Variants in ITGB4 observed in about 807,000 individuals in gnomAD.
ITGB4 encodes the protein integrin beta-4.
ITGB4 carries 159 observed loss-of-function variants against 207.6 expected under a neutral mutation model. The observed-to-expected ratio is 0.77, with a 90% CI of 0.67 to 0.87. The LOEUF (loss-of-function observed/expected upper bound fraction) is 0.87, where lower values mean the gene tolerates loss of function less well. Among genes scored for constraint, ITGB4 ranks in the 40% least tolerant of loss-of-function variants. The probability of loss-of-function intolerance (pLI) is 0.00; values close to 1 mark genes in which losing one functional copy is unlikely to be tolerated. For missense variants in ITGB4, 2,278 were observed against 2,546.8 expected, an observed-to-expected ratio of 0.89 and a Z score of 2.27; for synonymous variants, 1,020 against 1,062.7, an observed-to-expected ratio of 0.96 and a Z score of 0.78.
chr17:75,750,071 G>A lies in ITGB4; in HGVS notation c.3317-40G>A, dbSNP rs1350219755. 1.9e-6 allele frequency: 3 copies of A among 1,613,076 alleles called. No individual in the cohort carries two copies. Among genetic ancestry groups the A allele is most frequent in the Non-Finnish European group, 2.5e-6 (3 of 1,179,834 alleles). ...CTCTGGCGCCCCCTGGTGGTGAAGG[G>A]GGATCTGAGTGGTTGCCCGGCCCCA... On this transcript the variant is annotated intron_variant, in intron 27 of 39. Coordinates refer to ENST00000200181, the MANE Select transcript of ITGB4 (RefSeq NM_000213.5). The surrounding 1 kb of genome is among the most constrained non-coding windows in gnomAD (Gnocchi z 5.5).
intron 1 of ITGB4, among the ~76,000 whole-genome samples, chr17:75,723,237 T>C (rs999818981): frequency 1.3e-5 from 2 of 152,138 alleles, no homozygotes; most frequent in Non-Finnish European, 1.5e-5. Context: ...ACGGGCAGAA[T>C]GAAATCATCT....
Position 75,752,469 on chromosome 17 carries a change from A to G in ITGB4, c.4000A>G (p.Ile1334Val). ...MSIPIIPDIP[I>V]VDAQSGEDYD... ...AGTCCCCATCATCCCTGACATCCCT[A>G]TCGTGGACGCCCAGAGCGGGGAGGA... Residue 1334 changes from isoleucine to valine, a missense_variant, in exon 32 of 40, where the codon ATC becomes GTC. Physicochemically the swap from Ile to Val is conservative, Grantham distance 29 (BLOSUM62 3). Transcript: ENST00000200181. 1 of 1,613,512 alleles carries G rather than the reference A, an allele frequency of 6.2e-7. No homozygotes were observed. Among genetic ancestry groups the G allele is most frequent in the Non-Finnish European group, 8.5e-7 (1 of 1,179,978 alleles).
In ITGB4 at chr17:75,739,806, C is replaced by CTGG. The variant is rs2061064275; in HGVS notation, c.2255-73_2255-71dup. ...CCTGGAACGGCAGAGGCTGGAGGCTCTGGGGTCCCACCTGAAGAGGTTGGG... is the reference window on the plus strand; with the variant it reads ...CCTGGAACGGCAGAGGCTGGAGGCTCTGGTGGGGTCCCACCTGAAGAGGTTGGG... On this transcript the variant is annotated intron_variant, in intron 19 of 39. Coordinates refer to ENST00000200181, the MANE Select transcript of ITGB4 (RefSeq NM_000213.5). The surrounding 1 kb of genome is among the most constrained non-coding windows in gnomAD (Gnocchi z 5.4). The CTGG allele has an allele frequency of 7.5e-6, 12 of 1,609,856 alleles. No homozygotes were observed. Among genetic ancestry groups the CTGG allele is most frequent in the Non-Finnish European group, 9.3e-6 (11 of 1,176,630 alleles).
rs2060881799 is a variant in ITGB4, at chr17:75,732,353, G to T, written c.1454+114G>T. The T allele has an allele frequency of 2.8e-6, 3 of 1,053,322 alleles. No homozygotes were observed. Among genetic ancestry groups the T allele is most frequent in the Admixed American group, 1.8e-5 (1 of 54,548 alleles). 65.2% of individuals were successfully genotyped at this position (1,053,322 alleles called of 1,614,324 possible). The stretch of plus-strand genomic sequence containing the variant: ...CCTTGTACACCTGGCTGGGGGTGGG[G>T]CGGCAATCAAAGAAACGGCTAAGGG... On this transcript the variant is annotated intron_variant, in intron 12 of 39. Coordinates refer to ENST00000200181, the MANE Select transcript of ITGB4 (RefSeq NM_000213.5). This position sits in a 1 kb window ranked among gnomAD's most constrained non-coding sequence, Gnocchi z 5.3.
chr17:75,725,771 A>T (rs1052199545), intron 2 of ITGB4, among the ~76,000 whole-genome samples: 2 of 152,148 alleles, frequency 1.3e-5, no homozygotes, highest in East Asian at 1.9e-4. Context: ...GTTACTGAGG[A>T]CCCACTGTGT....
Position 75,737,324 on chromosome 17 carries a change from G to A in ITGB4, c.1993G>A (p.Glu665Lys), listed in dbSNP as rs552877885. 2.8e-5 allele frequency: 44 copies of A among 1,591,038 alleles called. No homozygotes were observed. The highest frequency in any genetic ancestry group is 2.1e-4 in the African/African-American group (16 of 74,446). Residue 665 changes from glutamate (E) to lysine (K), a missense_variant and splice_region_variant, in exon 17 of 40, where the codon GAG (glutamate) becomes AAG (lysine). By Grantham distance (56) the Glu-to-Lys change is moderately conservative. Transcript: ENST00000200181. ...VKMVDELKRA[E>K]EVVVRCSFRD... ...CTGCTGACTGGCTGTGGGTACAGCC[G>A]AGGAGGTGGTGGTGCGCTGCTCCTT...
rs1371595327 is a variant in ITGB4, at chr17:75,756,926, G to C, written c.5054-17G>C. 1 of 1,612,322 alleles carries C rather than the reference G, an allele frequency of 6.2e-7. No homozygotes were observed. Among genetic ancestry groups the C allele is most frequent in the South Asian group, 1.1e-5 (1 of 91,068 alleles). The stretch of plus-strand genomic sequence containing the variant: ...AAAGAGGGGGCCGCAGACGCTGAAG[G>C]CATCTTCCCTGCTCAGGGCCAGCCA... On this transcript the variant is annotated splice_polypyrimidine_tract_variant and intron_variant, in intron 37 of 39. Transcript: ENST00000200181.
chr17:75,756,617 G>A lies in ITGB4; in HGVS notation c.4897G>A (p.Gly1633Ser). 6.2e-7 allele frequency: 1 copy of A among 1,612,776 alleles called. No homozygotes were observed. The highest frequency in any genetic ancestry group is 8.5e-7 in the Non-Finnish European group (1 of 1,179,912). ...GCAGAGCCCACTGTGTCCCCTGCCA[G>A]GTGAGTTGCCTCCCCCAGCCCCAGA... The part of the protein sequence containing the change: ...HPQSPLCPLP[G>S]SAFTLSTPSA... The change falls in exon 36 of 40, where the codon GGC (glycine) becomes AGC (serine). Residue 1633 changes from glycine (G) to serine (S), a missense_variant and splice_region_variant. Coordinates refer to ENST00000200181, the MANE Select transcript of ITGB4 (RefSeq NM_000213.5).
intron 33 of ITGB4, among the ~76,000 whole-genome samples, 167 bp downstream of exon 33, chr17:75,754,141 A>C (rs2143463089): frequency 6.6e-6 from 1 of 152,182 alleles, no homozygotes; most frequent in East Asian, 1.9e-4. Flanking sequence ...GTGCCAGGGG[A>C]CGCGTGAGGC....
At chr17:75,735,624 G>T (rs1178906184) in intron 13 of ITGB4, among the ~76,000 whole-genome samples, 2 of 151,056 alleles carry the variant, frequency 1.3e-5, no homozygotes, top group South Asian at 4.2e-4. Flanking sequence ...TGTTGGCCAG[G>T]ATGGTCTCAG....
chr17:75,755,598 G>A (rs2061478815), intron 34 of ITGB4, 103 bp from the exon 35 acceptor site: 25 of 1,461,076 alleles, frequency 1.7e-5, no homozygotes, highest in Non-Finnish European at 2.4e-5. Context: ...AGCGGTCAGT[G>A]TAGACATGCC....
chr17:75,728,900 C>T (rs866419957), intron 6 of ITGB4, among the ~76,000 whole-genome samples: 6 of 150,410 alleles, frequency 4.0e-5, no homozygotes, highest in South Asian at 2.1e-4. Context: ...AGGAGAATGG[C>T]GTGAACCCGG....
chr17:75,755,214 G>C (rs753029254), intron 34 of ITGB4: 2 of 1,602,086 alleles, frequency 1.2e-6, no homozygotes, highest in Non-Finnish European at 1.7e-6. Context: ...TGGGGCCCAG[G>C]TAGTACAGGG....
chr17:75,748,098 C>T (rs2061272914), intron 26 of ITGB4, among the ~76,000 whole-genome samples: 2 of 151,798 alleles, frequency 1.3e-5, no homozygotes, highest in Non-Finnish European at 2.9e-5. Flanking sequence ...GGGTGGCTCA[C>T]GCCTGTAATC....
At position 75,757,592 on chromosome 17, in the gene ITGB4, C is replaced by T. The variant is rs1051554; in HGVS notation, c.*37C>T. On this transcript the variant is annotated 3_prime_UTR_variant, in exon 40 of 40. Transcript: ENST00000200181. The stretch of plus-strand genomic sequence containing the variant: ...CCCACCCCCGCCACGTCCCACTAGG[C>T]GTCCTCCCGACTCCTCTCCCGGAGC... 3.1e-6 allele frequency: 5 copies of T among 1,612,560 alleles called. No homozygotes were observed. The highest frequency in any genetic ancestry group is 1.6e-4 in the Middle Eastern group (1 of 6,078).
rs1048623574 is a variant in ITGB4 at position 75,748,852 on chromosome 17, C to G, written c.3123C>G (p.Pro1041=). The change falls in exon 27 of 40, where the codon CCC becomes CCG. Residue 1041 remains proline, a synonymous_variant. Transcript: ENST00000200181. ...CCCTCCACTCCCAGGACTACATCCC[C>G]GTGGAGGGTGAGCTGCTGTTCCAGC... ...GTAQGNRDYI[P]VEGELLFQPG... 3.1e-6 allele frequency: 5 copies of G among 1,610,138 alleles called. No homozygotes were observed. Among genetic ancestry groups the G allele is most frequent in the Non-Finnish European group, 4.2e-6 (5 of 1,178,804 alleles).
chr17:75,752,673 G>C lies in ITGB4; in HGVS notation c.4108+96G>C, dbSNP rs2061396611. 4 of 1,487,822 alleles carry C rather than the reference G, an allele frequency of 2.7e-6. No individual in the cohort carries two copies. In the East Asian group the frequency reaches 9.1e-5, roughly 34 times the overall value. The allele number at this position is 1,487,822 out of a possible 1,614,324, so 92.2% of individuals were successfully genotyped here. The stretch of plus-strand genomic sequence containing the variant: ...GAGAGGGCAAAGGGGCCAGCAACTA[G>C]AGGACATGGAGGTTAAGGCAGCCTT... On this transcript the variant is annotated intron_variant, in intron 32 of 39. Coordinates refer to ENST00000200181, the MANE Select transcript of ITGB4 (RefSeq NM_000213.5).
chr17:75,749,110 GGTCT>G (rs2061305593), intron 27 of ITGB4, 65 bp downstream of exon 27: 1 of 1,346,098 alleles, frequency 7.4e-7, no homozygotes, highest in African/African-American at 1.4e-5. Flanking sequence ...CTCTCAACTA[GGTCT>G]GTCAGACTTA....
At chr17:75,743,532 C>T (rs910802981) in intron 25 of ITGB4, among the ~76,000 whole-genome samples, 181 bp from the exon 26 acceptor site, 2 of 152,202 alleles carry the variant, frequency 1.3e-5, no homozygotes, top group African/African-American at 4.8e-5. Flanking sequence ...TGCGCCCGGC[C>T]CCTCATCTTT....
Sources: allele counts gnomAD v4.1 joint callset (sites outside exome capture counted in the v4.1 genomes callset), GRCh38; gene constraint gnomAD v4.1.1; non-coding constraint Gnocchi (gnomAD v3.1); transcripts MANE v1.5; gene names NCBI Gene and HGNC (gene_info 2026-07-23, HGNC 2026-07-21).